Variants in AP1M2 observed in about 807,000 individuals in gnomAD.
AP1M2 encodes AP-1 complex subunit mu-2.
A neutral mutation model predicts 54.6 loss-of-function variants in AP1M2; 41 were observed. The ratio of observed to expected loss-of-function variants is 0.75; its 90% confidence interval spans 0.59 to 0.97. The LOEUF is 0.97. Among genes scored for constraint, AP1M2 ranks in the 50% least tolerant of loss-of-function variants. The probability of loss-of-function intolerance (pLI) is 0.00; values close to 1 mark genes in which losing one functional copy is unlikely to be tolerated. For missense variants in AP1M2, 507 were observed against 561.2 expected, an observed-to-expected ratio of 0.90 and a Z score of 0.98; for synonymous variants, 219 against 215.9, an observed-to-expected ratio of 1.01 and a Z score of -0.13.
Position 10,579,702 on chromosome 19 carries a change from G to A in AP1M2, c.816+14C>T. The A allele has an allele frequency of 6.2e-7, 1 of 1,610,080 alleles. No individual in the cohort carries two copies. The highest frequency in any genetic ancestry group is 8.5e-7 in the Non-Finnish European group (1 of 1,177,996). On this transcript the variant is annotated intron_variant, in intron 7 of 11. Transcript: ENST00000250244. ...CAACCTACTCCACCCAGATGGGGCT[G>A]GACCCTGCCTCACCTGGGTGCTGAG...
intron 9 of AP1M2, among the ~76,000 whole-genome samples, chr19:10,575,929 C>A (rs1917216076): frequency 1.5e-5 from 2 of 130,516 alleles, no homozygotes; most frequent in East Asian, 6.7e-4. Context: ...CCACGCCCAG[C>A]TAATTTTTTT....
In AP1M2 at chr19:10,581,795, G is replaced by A. The variant is rs1481960040; in HGVS notation, c.351C>T (p.Leu117=). The A allele has an allele frequency of 6.2e-7, 1 of 1,613,862 alleles. No homozygotes were observed. Among genetic ancestry groups the A allele is most frequent in the African/African-American group, 1.3e-5 (1 of 74,900 alleles). The change falls in exon 4 of 12, where the codon CTC becomes CTT. Residue 117 remains leucine (L), a synonymous_variant. Coordinates refer to ENST00000250244, the MANE Select transcript of AP1M2 (RefSeq NM_005498.5). ...TGGTCTGCGGGAAGCCAAAGTCCAT[G>A]AGCTCGTCCAGCAACTCGTAGACGA... is the stretch of plus-strand genomic sequence containing the variant. ...FVIVYELLDE[L]MDFGFPQTTD... is the part of the protein sequence containing the mutation.
intron 6 of AP1M2, 87 bp downstream of exon 6, chr19:10,581,179 G>T (rs185685060): frequency 1.3e-6 from 2 of 1,504,572 alleles, no homozygotes; most frequent in Non-Finnish European, 1.8e-6. Context: ...ATTTCAAAAC[G>T]GGCTGCGATT....
At chr19:10,575,534 T>C (rs1028000375) in intron 9 of AP1M2, among the ~76,000 whole-genome samples, 2 of 152,020 alleles carry the variant, frequency 1.3e-5, no homozygotes, top group Non-Finnish European at 2.9e-5. Context: ...CCTCCTTAAG[T>C]GGAAATGGGT....
chr19:10,577,031 G>A (rs546269470), intron 9 of AP1M2, among the ~76,000 whole-genome samples, 167 bp downstream of exon 9: 42 of 152,072 alleles, frequency 2.8e-4, no homozygotes, highest in African/African-American at 7.2e-4. Context: ...GGGTTCAAGC[G>A]ATCTGCCCGT....
intron 7 of AP1M2, 136 bp downstream of exon 7, chr19:10,579,580 C>T (rs1406325371): frequency 1.2e-5 from 12 of 1,000,780 alleles, no homozygotes; most frequent in Admixed American, 2.7e-5. Context: ...TCTCGAACTC[C>T]TGTCCTCAAG....
rs75337871 is a variant in AP1M2 at position 10,579,365 on chromosome 19, G to A, written c.816+351C>T. 3.3e-3 allele frequency among the ~76,000 whole-genome samples: 502 copies of A among 152,166 alleles called. 3 individuals carry two copies. The highest frequency in any genetic ancestry group is 0.027 in the East Asian group (139 of 5,172). ...TGGGAGGCGGAGCTTGCAGTGAGCC[G>A]AGATAGCGCTACTGCACTCCAGCCT... On this transcript the variant is annotated intron_variant, in intron 7 of 11. Coordinates refer to ENST00000250244, the MANE Select transcript of AP1M2 (RefSeq NM_005498.5).
At chr19:10,581,903 C>A in intron 3 of AP1M2, 25 bp from the exon 4 acceptor site, 1 of 1,561,168 alleles carries the variant, frequency 6.4e-7, no homozygotes, top group Admixed American at 1.9e-5. Flanking sequence ...AGAGAGAGAC[C>A]CACAAAAGTG....
Position 10,574,889 on chromosome 19 carries a change from G to A in AP1M2, c.1173+15C>T. 1 of 1,598,314 alleles carries A rather than the reference G, an allele frequency of 6.3e-7. No homozygotes were observed. The highest frequency in any genetic ancestry group is 8.5e-7 in the Non-Finnish European group (1 of 1,172,070). On this transcript the variant is annotated intron_variant, in intron 10 of 11. Coordinates refer to ENST00000250244, the MANE Select transcript of AP1M2 (RefSeq NM_005498.5). ...CGAAGTCAAGGGGAGGATCCTCCCT[G>A]CCTGCTTCTCTCACCTGGATCCCAG...
chr19:10,573,530 A>T (rs1442637117), intron 11 of AP1M2, among the ~76,000 whole-genome samples: 1 of 152,134 alleles, frequency 6.6e-6, no homozygotes, highest in African/African-American at 2.4e-5. Context: ...ATGGGGCTAA[A>T]CACAGGTACT....
At chr19:10,582,676 A>T (rs1357403652) in intron 3 of AP1M2, among the ~76,000 whole-genome samples, 1 of 151,860 alleles carries the variant, frequency 6.6e-6, no homozygotes, top group Non-Finnish European at 1.5e-5. Context: ...TGAACCCAGG[A>T]GGTAGAGGTT....
At chr19:10,582,135 C>T (rs573384678) in intron 3 of AP1M2, among the ~76,000 whole-genome samples, 2 of 152,190 alleles carry the variant, frequency 1.3e-5, no homozygotes, top group African/African-American at 4.8e-5. Flanking sequence ...CTCCTGCCTC[C>T]GGGGTTCAAG....
intron 3 of AP1M2, 75 bp from the exon 4 acceptor site, chr19:10,581,953 C>T: frequency 1.4e-6 from 2 of 1,468,886 alleles, no homozygotes; most frequent in East Asian, 2.5e-5. Flanking sequence ...CCTGTAACCC[C>T]AGCACCTTGG....
intron 4 of AP1M2, 35 bp from the exon 5 acceptor site, chr19:10,581,669 C>A (rs1463171041): frequency 6.2e-7 from 1 of 1,612,710 alleles, no homozygotes; most frequent in Admixed American, 1.7e-5. Flanking sequence ...GCAGCTGGAC[C>A]CAGGGACACC....
chr19:10,578,132 A>G (rs926562718), intron 8 of AP1M2, among the ~76,000 whole-genome samples: 12 of 152,136 alleles, frequency 7.9e-5, no homozygotes, highest in African/African-American at 1.2e-4. Flanking sequence ...TGTGGGCCTG[A>G]GTTCTAACAG....
rs1917440370 is a variant in AP1M2 at position 10,581,282 on chromosome 19, G to C, written c.657C>G (p.Leu219=). 3 of 1,613,514 alleles carry C rather than the reference G, an allele frequency of 1.9e-6. No homozygotes were observed. Among genetic ancestry groups the C allele is most frequent in the East Asian group, 4.5e-5 (2 of 44,854 alleles). Residue 219 remains leucine, a synonymous_variant, in exon 6 of 12, where the codon CTC becomes CTG. Transcript: ENST00000250244. ...ELRLGLNDRV[L]FELTGRSKNK... ...AATGCTTACGGCCAGTGAGCTCGAA[G>C]AGCACGCGGTCATTGAGGCCCAGCC...
At chr19:10,580,828 G>A (rs1488303469) in intron 6 of AP1M2, among the ~76,000 whole-genome samples, 1 of 151,910 alleles carries the variant, frequency 6.6e-6, no homozygotes, top group African/African-American at 2.4e-5. Context: ...GGTGGTCCAT[G>A]CCTGTAGTCC....
At chr19:10,585,950 T>C (rs1026675416) in intron 1 of AP1M2, among the ~76,000 whole-genome samples, 2 of 151,680 alleles carry the variant, frequency 1.3e-5, no homozygotes, top group Non-Finnish European at 1.5e-5. Context: ...CTGGACAACA[T>C]AGCAAGACTC....
chr19:10,573,184 C>G (rs971295354), intron 11 of AP1M2, 96 bp from the exon 12 acceptor site: 1 of 1,183,470 alleles, frequency 8.4e-7, no homozygotes, highest in Admixed American at 2.0e-5. Flanking sequence ...TTTGGGAGGT[C>G]GAGGCAGGTG....
Sources: allele counts gnomAD v4.1 joint callset (sites outside exome capture counted in the v4.1 genomes callset), GRCh38; gene constraint gnomAD v4.1.1; transcripts MANE v1.5; gene names NCBI Gene and HGNC (gene_info 2026-07-23, HGNC 2026-07-21).